Variants in CDH4 observed in about 807,000 individuals in gnomAD.
The protein encoded by CDH4 is cadherin-4.
A neutral mutation model predicts 86.0 loss-of-function variants in CDH4; 33 were observed. That is an observed-to-expected ratio of 0.38 (90% CI 0.29 to 0.51). The LOEUF is 0.51. CDH4 is among the 20% of genes least tolerant of loss of function. CDH4 has a pLI of 0.86. For synonymous variants in CDH4, 555 were observed against 549.4 expected (o/e 1.01, Z -0.14); for missense variants, 1,114 against 1,307.4 (o/e 0.85, Z 2.28).
In CDH4 at chr20:61,939,907, T is replaced by C. The variant is rs1374267310; in HGVS notation, c.*2964T>C. The C allele has an allele frequency of 6.6e-6, 1 of 152,258 alleles. No homozygotes were observed. Among genetic ancestry groups the C allele is most frequent in the Admixed American group, 6.5e-5 (1 of 15,280 alleles). 9.4% of individuals were successfully genotyped at this position (152,258 alleles called of 1,614,324 possible). A position where few individuals can be genotyped will look rare whatever the true frequency, so the allele number is the denominator to read the frequency against. ...GTAGTGTCTTTCAGCACATCCAAAA[T>C]GCTAGGCCTCCTGCCACCAACGTGT... On this transcript the variant is annotated 3_prime_UTR_variant, in exon 16 of 16. Transcript: ENST00000614565.
chr20:61,880,567 G>A (rs1487762157), intron 7 of CDH4, among the ~76,000 whole-genome samples: 3 of 152,252 alleles, frequency 2.0e-5, no homozygotes, highest in South Asian at 2.1e-4. Context: ...ACCTCCCTCC[G>A]AAACAGAGGC....
At chr20:61,854,980 G>T (rs1280435549) in intron 6 of CDH4, among the ~76,000 whole-genome samples, 1 of 129,064 alleles carries the variant, frequency 7.7e-6, no homozygotes, top group African/African-American at 3.0e-5. Context: ...CCCCAGGGGT[G>T]CAGTGTGAAC....
At chr20:61,910,661 C>T in intron 9 of CDH4, 54 bp downstream of exon 9, 1 of 1,464,560 alleles carries the variant, frequency 6.8e-7, no homozygotes, top group Non-Finnish European at 9.5e-7. Context: ...CACCTGCACA[C>T]TCCCTAGGAC....
chr20:61,641,595 C>T lies in CDH4; in HGVS notation c.170-101968C>T, dbSNP rs111607869. Among the ~76,000 whole-genome samples, 23 of 152,220 alleles carry T rather than the reference C, an allele frequency of 1.5e-4. 1 individual carries two copies. In the South Asian group the frequency reaches 2.3e-3, roughly 15 times the overall value. ...CCAGAAAGCCCTGATCCCACCACACCTACAGCTTTGGGATCAGATGGGGCT... is the reference window on the plus strand; with the variant it reads ...CCAGAAAGCCCTGATCCCACCACACTTACAGCTTTGGGATCAGATGGGGCT... On this transcript the variant is annotated intron_variant, in intron 2 of 15. Transcript: ENST00000614565.
chr20:61,832,201 G>A (rs917762015), intron 4 of CDH4, among the ~76,000 whole-genome samples: 2 of 152,236 alleles, frequency 1.3e-5, no homozygotes, highest in Non-Finnish European at 2.9e-5. Context: ...CAGGGAGCTG[G>A]TGGGTCAGAG....
At chr20:61,335,362 A>T (rs894649289) in intron 2 of CDH4, among the ~76,000 whole-genome samples, 2 of 152,214 alleles carry the variant, frequency 1.3e-5, no homozygotes, top group African/African-American at 4.8e-5. Context: ...AGGCAAAGGG[A>T]TGTGACATTT....
At chr20:61,366,395 A>G (rs1463315440) in intron 2 of CDH4, among the ~76,000 whole-genome samples, 2 of 152,200 alleles carry the variant, frequency 1.3e-5, no homozygotes, top group East Asian at 3.9e-4. Context: ...TCGGTCGGGG[A>G]GACCCTAACC....
chr20:61,334,968 C>T (rs577713420), intron 2 of CDH4, among the ~76,000 whole-genome samples: 1 of 152,242 alleles, frequency 6.6e-6, no homozygotes, highest in Non-Finnish European at 1.5e-5. Flanking sequence ...CCAGCCTGTC[C>T]TCCAAAGACT....
intron 4 of CDH4, among the ~76,000 whole-genome samples, chr20:61,774,972 G>A (rs1445399106): frequency 1.3e-5 from 2 of 152,118 alleles, no homozygotes; most frequent in African/African-American, 4.8e-5. Context: ...TGTGAATAGC[G>A]CTGCAATGAC....
chr20:61,451,337 GTGCT>G (rs2085379574), intron 2 of CDH4, among the ~76,000 whole-genome samples: 1 of 152,186 alleles, frequency 6.6e-6, no homozygotes, highest in Non-Finnish European at 1.5e-5. Flanking sequence ...GTGGTTCAGA[GTGCT>G]TGGCCTCACG....
intron 2 of CDH4, among the ~76,000 whole-genome samples, chr20:61,471,282 T>C (rs2085500829): frequency 1.3e-5 from 2 of 152,094 alleles, no homozygotes; most frequent in Non-Finnish European, 2.9e-5. Flanking sequence ...AATTTATACC[T>C]TTCCTCTATA....
At chr20:61,340,990 TG>T (rs2084646581) in intron 2 of CDH4, among the ~76,000 whole-genome samples, 1 of 152,196 alleles carries the variant, frequency 6.6e-6, no homozygotes, top group Non-Finnish European at 1.5e-5. Flanking sequence ...ACATCCCCAT[TG>T]GGCAGATGCA....
chr20:61,292,821 A>T (rs532418355), intron 2 of CDH4, among the ~76,000 whole-genome samples: 1 of 152,230 alleles, frequency 6.6e-6, no homozygotes, highest in Non-Finnish European at 1.5e-5. Context: ...CCTCTGTTCA[A>T]TGAAGGAGTT....
At chr20:61,284,373 C>A (rs769653112) in intron 2 of CDH4, among the ~76,000 whole-genome samples, 1 of 152,046 alleles carries the variant, frequency 6.6e-6, no homozygotes, top group African/African-American at 2.4e-5. Context: ...TTTGTGTTTG[C>A]GTTTTCTACT....
intron 2 of CDH4, among the ~76,000 whole-genome samples, chr20:61,609,215 G>A (rs1054002646): frequency 2.0e-5 from 3 of 152,190 alleles, no homozygotes; most frequent in African/African-American, 7.2e-5. Flanking sequence ...ACACATGGAC[G>A]TGTTCCCGTT....
intron 7 of CDH4, among the ~76,000 whole-genome samples, chr20:61,888,999 T>C (rs917449011): frequency 1.3e-5 from 2 of 152,198 alleles, no homozygotes; most frequent in Non-Finnish European, 2.9e-5. Context: ...CTCTCCCCAT[T>C]GTTGGCTTTC....
chr20:61,812,390 C>T (rs919651384), intron 4 of CDH4, among the ~76,000 whole-genome samples: 1 of 152,154 alleles, frequency 6.6e-6, no homozygotes, highest in Non-Finnish European at 1.5e-5. Flanking sequence ...GGCAGCTCTC[C>T]AGAGATGGGG....
Position 61,743,616 on chromosome 20 carries a change from A to G in CDH4, c.223A>G (p.Met75Val), listed in dbSNP as rs1293513093. The G allele has an allele frequency of 2.5e-6, 4 of 1,586,354 alleles. No individual in the cohort carries two copies. The highest frequency in any genetic ancestry group is 2.3e-5 in the East Asian group (1 of 43,790). ...TKGTQYETNS[M>V]DFKVGADGTV... is the part of the protein sequence containing the mutation. ...GGGGACACAATATGAGACCAACAGC[A>G]TGGACTTCAAAGTTGGGGCAGATGG... Residue 75 changes from methionine (M) to valine (V), a missense_variant, in exon 3 of 16, where the codon ATG (methionine) becomes GTG (valine). Physicochemically the swap from Met to Val is conservative, Grantham distance 21. This residue lies in a region of CDH4 where 221 missense variants were observed against 209.5 expected (regional missense o/e 1.05). Transcript: ENST00000614565.
At chr20:61,441,657 C>T (rs949797727) in intron 2 of CDH4, among the ~76,000 whole-genome samples, 14 of 152,302 alleles carry the variant, frequency 9.2e-5, no homozygotes, top group Admixed American at 8.5e-4. Context: ...CTGCCTGGCC[C>T]GTCTTCCATG....
Sources: gnomAD v4.1 joint callset for allele counts (sites outside exome capture counted in the v4.1 genomes callset) on GRCh38, gnomAD v4.1.1 for gene constraint, gnomAD v4.1.1 regional missense constraint, MANE v1.5 for transcripts, NCBI Gene and HGNC (gene_info 2026-07-23, HGNC 2026-07-21) for gene names.